SLC22A24: variants seen among roughly 807,000 people sequenced by gnomAD.
The protein encoded by SLC22A24 is solute carrier family 22 member 24, also known as steroid transmembrane transporter SLC22A24.
SLC22A24 carries 53 observed loss-of-function variants against 49.8 expected under a neutral mutation model. The observed-to-expected ratio is 1.06, with a 90% CI of 0.85 to 1.34. The LOEUF (loss-of-function observed/expected upper bound fraction) is 1.34, where lower values mean the gene tolerates loss of function less well. SLC22A24 is among the 40% of genes most tolerant of loss of function. The pLI is 0.00. For missense variants in SLC22A24, 786 were observed against 675.9 expected (o/e 1.16, Z -1.81); for synonymous variants, 302 against 256.4 (o/e 1.18, Z -1.70).
rs768649745 is a variant in SLC22A24, at chr11:63,081,092, C to A, written c.1426G>T (p.Gly476Cys). The A allele has an allele frequency of 2.6e-6, 4 of 1,551,608 alleles. No homozygotes were observed. Among genetic ancestry groups the A allele is most frequent in the Non-Finnish European group, 3.5e-6 (4 of 1,146,926 alleles). ...GGAGCCAGTGCTGCCCCAGTCCTACCGGACACTGCATTGATTCCTGCAACT... is the reference window on the plus strand; with the variant it reads ...GGAGCCAGTGCTGCCCCAGTCCTACAGGACACTGCATTGATTCCTGCAACT... ...STVAGINAVS[G>C]RTGAALAPLL... Residue 476 changes from glycine (G) to cysteine (C), a missense_variant, in exon 9 of 10, where the codon GGT becomes TGT. By Grantham distance (159) the Gly-to-Cys change is radical (BLOSUM62 -3). Coordinates refer to ENST00000612278, the MANE Select transcript of SLC22A24 (RefSeq NM_001136506.2).
chr11:63,124,985 G>A (rs1006105316), intron 2 of SLC22A24, among the ~76,000 whole-genome samples: 1 of 151,766 alleles, frequency 6.6e-6, no homozygotes, highest in African/African-American at 2.4e-5. Flanking sequence ...GATAGCATTA[G>A]GAGATATACC....
intron 6 of SLC22A24, among the ~76,000 whole-genome samples, chr11:63,086,943 G>A (rs990913301): frequency 6.6e-6 from 1 of 151,294 alleles, no homozygotes; most frequent in African/African-American, 2.4e-5. Flanking sequence ...GAACTTTATA[G>A]TTCCTTTGTA....
At chr11:63,130,728 T>C (rs747905827) in intron 2 of SLC22A24, among the ~76,000 whole-genome samples, 3 of 152,218 alleles carry the variant, frequency 2.0e-5, no homozygotes, top group Non-Finnish European at 4.4e-5. Context: ...CAGGAATTTA[T>C]CAATTTCTTC....
chr11:63,083,126 G>T (rs2086968843), intron 7 of SLC22A24, 117 bp downstream of exon 7: 9 of 784,142 alleles, frequency 1.1e-5, no homozygotes, highest in Non-Finnish European at 1.9e-5. Flanking sequence ...TAACTTCAGG[G>T]AATCTTTTGG....
At chr11:63,092,509 G>A (rs2087026698) in intron 6 of SLC22A24, among the ~76,000 whole-genome samples, 1 of 9,324 alleles carries the variant, frequency 1.1e-4, no homozygotes, top group Non-Finnish European at 1.0e-3. Context: ...TATACTACAA[G>A]GCTACAGTAA....
chr11:63,081,651 C>T lies in SLC22A24; in HGVS notation c.1301G>A (p.Arg434His), dbSNP rs557738235. ...AATTCCCAAAGTTGCTAAAACCACA[C>T]GCAGGATCTGCATTTCTAGAGAGAA... ...TFLPQEMQIL[R>H]VVLATLGIGS... is the part of the protein sequence containing the mutation. Residue 434 changes from arginine (R) to histidine (H), a missense_variant, in exon 8 of 10, where the codon CGT (arginine) becomes CAT (histidine). Transcript: ENST00000612278. The T allele has an allele frequency of 4.0e-5, 62 of 1,550,796 alleles. No homozygotes were observed. The highest frequency in any genetic ancestry group is 3.1e-4 in the South Asian group (26 of 84,036).
At chr11:63,132,756 G>A (rs563325228) in intron 2 of SLC22A24, among the ~76,000 whole-genome samples, 42 of 152,258 alleles carry the variant, frequency 2.8e-4, no homozygotes, top group African/African-American at 9.6e-4. Context: ...GCTACATGGG[G>A]GCCAGGGACC....
chr11:63,087,092 G>A (rs1250853006), intron 6 of SLC22A24, among the ~76,000 whole-genome samples: 2 of 140,698 alleles, frequency 1.4e-5, no homozygotes, highest in Non-Finnish European at 3.1e-5. Flanking sequence ...AGAAACCCAA[G>A]TAAGTAGAAG....
intron 6 of SLC22A24, among the ~76,000 whole-genome samples, chr11:63,085,281 A>G (rs2086980949): frequency 6.6e-6 from 1 of 152,300 alleles, no homozygotes; most frequent in Admixed American, 6.5e-5. Context: ...AGTCTTGGGG[A>G]TGATAAAACA....
chr11:63,110,129 G>C (rs1291797999), intron 4 of SLC22A24, among the ~76,000 whole-genome samples: 6 of 150,988 alleles, frequency 4.0e-5, no homozygotes, highest in Non-Finnish European at 3.0e-5. Context: ...GCTTGTTTTT[G>C]TCAGGTTTGT....
At chr11:63,131,985 C>T (rs141734711) in intron 2 of SLC22A24, among the ~76,000 whole-genome samples, 3,592 of 152,196 alleles carry the variant, frequency 0.024, 121 homozygotes, top group African/African-American at 0.08. Flanking sequence ...TTTCTTTTCA[C>T]TCTTTTTTCT....
intron 2 of SLC22A24, among the ~76,000 whole-genome samples, chr11:63,122,066 G>C (rs538217416): frequency 2.0e-4 from 30 of 152,266 alleles, no homozygotes; most frequent in Non-Finnish European, 3.7e-4. Flanking sequence ...TAAGGAAAAT[G>C]ATTAACTGAA....
chr11:63,080,033 T>A, intron 9 of SLC22A24, 33 bp from the exon 10 acceptor site: 1 of 1,385,470 alleles, frequency 7.2e-7, no homozygotes. Flanking sequence ...AAAACAAGAT[T>A]AAGAAACAAA....
intron 6 of SLC22A24, among the ~76,000 whole-genome samples, chr11:63,094,247 T>G (rs1300532703): frequency 2.7e-5 from 4 of 149,826 alleles, no homozygotes; most frequent in African/African-American, 9.8e-5. Flanking sequence ...CAGTGTTTGG[T>G]TTTTTGTCCT....
intron 3 of SLC22A24, 34 bp downstream of exon 3, chr11:63,119,147 T>C (rs1486821737): frequency 1.3e-6 from 2 of 1,529,060 alleles, no homozygotes; most frequent in Admixed American, 4.2e-5. Flanking sequence ...ATTCAAGACA[T>C]GGAGATGATA....
intron 6 of SLC22A24, among the ~76,000 whole-genome samples, chr11:63,087,911 A>G (rs1001496179): frequency 6.6e-6 from 1 of 152,192 alleles, no homozygotes; most frequent in African/African-American, 2.4e-5. Flanking sequence ...AGCCCCAGTA[A>G]GAGGTTTACA....
At chr11:63,113,217 T>TATATATATATACATATATATACAC (rs1565332370) in intron 4 of SLC22A24, among the ~76,000 whole-genome samples, 96 of 1,606 alleles carry the variant, frequency 0.06, 33 homozygotes, top group Middle Eastern at 1. Context: ...TATATACACA[T>TATATATATATACATATATATACAC]ATATATATAT....
chr11:63,138,552 G>T (rs1313844821), intron 1 of SLC22A24, among the ~76,000 whole-genome samples: 2 of 147,338 alleles, frequency 1.4e-5, no homozygotes, highest in Non-Finnish European at 3.0e-5. Context: ...TGAGGCAGGA[G>T]AATGGCATGA....
chr11:63,135,046 G>A (rs1030628052), intron 1 of SLC22A24, among the ~76,000 whole-genome samples: 19 of 151,552 alleles, frequency 1.3e-4, no homozygotes, highest in South Asian at 4.2e-4. Context: ...TTTTCCTCTC[G>A]GACCACTAAG....
Sources: gnomAD v4.1 joint callset for allele counts (sites outside exome capture counted in the v4.1 genomes callset) on GRCh38, gnomAD v4.1.1 for gene constraint, MANE v1.5 for transcripts, NCBI Gene and HGNC (gene_info 2026-07-23, HGNC 2026-07-21) for gene names.